Variants in ALK observed in about 807,000 individuals in gnomAD.
ALK encodes the protein ALK tyrosine kinase receptor.
A neutral mutation model predicts 163.1 loss-of-function variants in ALK; 74 were observed. The ratio of observed to expected loss-of-function variants is 0.45; its 90% CI spans 0.38 to 0.55. ALK has a LOEUF of 0.55. ALK is among the 20% of genes least tolerant of loss of function. ALK has a pLI of 0.00. For missense variants in ALK, 2,063 were observed against 2,105.3 expected (o/e 0.98, Z 0.39); for synonymous variants, 960 against 843.2 (o/e 1.14, Z -2.40).
intron 4 of ALK, among the ~76,000 whole-genome samples, chr2:29,432,218 G>A (rs533372102): frequency 5.9e-5 from 9 of 152,276 alleles, no homozygotes; most frequent in East Asian, 1.9e-4. Flanking sequence ...AGTGGAAGGT[G>A]TTTGGGTCAT....
intron 12 of ALK, 80 bp downstream of exon 12, chr2:29,251,025 G>C (rs2148196996): frequency 2.7e-6 from 4 of 1,471,424 alleles, no homozygotes; most frequent in Non-Finnish European, 3.7e-6. Context: ...GGCACCCCAG[G>C]AACATGCACC....
At chr2:29,728,478 C>T (rs1679636640) in intron 1 of ALK, among the ~76,000 whole-genome samples, 1 of 152,216 alleles carries the variant, frequency 6.6e-6, no homozygotes, top group Non-Finnish European at 1.5e-5. Context: ...GTGTGGAAGG[C>T]AGCAGACAGC....
intron 1 of ALK, among the ~76,000 whole-genome samples, chr2:29,793,472 C>A (rs1343923174): frequency 6.6e-6 from 1 of 152,120 alleles, no homozygotes; most frequent in Non-Finnish European, 1.5e-5. Context: ...AGTAGTGAAT[C>A]CTTTCCAGAA....
At chr2:29,614,697 A>G (rs1435603575) in intron 3 of ALK, among the ~76,000 whole-genome samples, 4 of 151,880 alleles carry the variant, frequency 2.6e-5, no homozygotes, top group Non-Finnish European at 5.9e-5. Context: ...TGAATTTCCC[A>G]TCCTTCACCA....
At chr2:29,545,797 T>C (rs1217905950) in intron 3 of ALK, among the ~76,000 whole-genome samples, 1 of 152,182 alleles carries the variant, frequency 6.6e-6, no homozygotes, top group Non-Finnish European at 1.5e-5. Context: ...AAACCAAGTG[T>C]GTTCATTAAG....
intron 1 of ALK, among the ~76,000 whole-genome samples, chr2:29,870,326 G>A (rs1350253942): frequency 6.6e-6 from 1 of 152,180 alleles, no homozygotes; most frequent in Non-Finnish European, 1.5e-5. Flanking sequence ...AAGTGAAGTG[G>A]AAGCAGGCAA....
intron 3 of ALK, among the ~76,000 whole-genome samples, chr2:29,650,308 T>G (rs953117772): frequency 3.9e-5 from 6 of 152,210 alleles, no homozygotes; most frequent in African/African-American, 1.4e-4. Flanking sequence ...CAGTCAGTAG[T>G]CAATCATTAG....
intron 22 of ALK, chr2:29,221,321 A>G (rs940507815): frequency 2.1e-6 from 1 of 475,960 alleles, no homozygotes; most frequent in Non-Finnish European, 4.2e-6. Context: ...TTTCCCGTGG[A>G]TTCCTCATGG....
intron 11 of ALK, among the ~76,000 whole-genome samples, chr2:29,252,735 T>G (rs1253765102): frequency 6.6e-6 from 1 of 152,146 alleles, no homozygotes; most frequent in Non-Finnish European, 1.5e-5. Context: ...GATGTTTATT[T>G]CTATTTGGTT....
At chr2:29,502,605 A>G (rs1258149000) in intron 4 of ALK, among the ~76,000 whole-genome samples, 4 of 152,166 alleles carry the variant, frequency 2.6e-5, no homozygotes, top group Non-Finnish European at 5.9e-5. Context: ...TGGTATTAAG[A>G]CAGATTAACT....
At chr2:29,723,976 A>G (rs139720259) in intron 1 of ALK, among the ~76,000 whole-genome samples, 1 of 152,326 alleles carries the variant, frequency 6.6e-6, no homozygotes, top group East Asian at 1.9e-4. Flanking sequence ...ATTGCAGCCG[A>G]TTGGCACTGT....
chr2:29,520,251 A>G (rs2148148073), intron 4 of ALK, among the ~76,000 whole-genome samples: 1 of 152,310 alleles, frequency 6.6e-6, no homozygotes, highest in Non-Finnish European at 1.5e-5. Context: ...TTGGAGGTTG[A>G]GTAGAAGGAA....
intron 1 of ALK, among the ~76,000 whole-genome samples, chr2:29,829,171 G>A (rs1211732252): frequency 4.5e-4 from 43 of 95,818 alleles, no homozygotes; most frequent in African/African-American, 1.7e-3. Flanking sequence ...GTTGAGGGGT[G>A]GGGGGAGGGG....
At chr2:29,684,939 A>C (rs1262141800) in intron 3 of ALK, among the ~76,000 whole-genome samples, 1 of 152,240 alleles carries the variant, frequency 6.6e-6, no homozygotes, top group African/African-American at 2.4e-5. Flanking sequence ...ATGAATGCCT[A>C]TTTTATATGG....
rs956344739 is a variant in ALK, at chr2:29,266,654, G to A, written c.2041+8445C>T. The stretch of plus-strand genomic sequence containing the variant: ...ATCCCTACTTGATGGATGAGGAAAC[G>A]GGGCCCAGAATCTTTGACTCTCCTG... On this transcript the variant is annotated intron_variant, in intron 11 of 28. Transcript: ENST00000389048. 2.0e-5 allele frequency among the ~76,000 whole-genome samples: 3 copies of A among 152,144 alleles called. 1 individual carries two copies. The highest frequency in any genetic ancestry group is 4.2e-4 in the South Asian group (2 of 4,818).
chr2:29,612,302 C>G (rs565860926), intron 3 of ALK, among the ~76,000 whole-genome samples: 3 of 152,296 alleles, frequency 2.0e-5, no homozygotes, highest in African/African-American at 7.2e-5. Context: ...GTCTTCCCCT[C>G]CTGTGCTTTT....
chr2:29,575,078 T>C (rs1674486325), intron 3 of ALK, among the ~76,000 whole-genome samples: 1 of 152,286 alleles, frequency 6.6e-6, no homozygotes, highest in East Asian at 1.9e-4. Flanking sequence ...TATTTCTGAT[T>C]GCCTCAACGT....
intron 4 of ALK, among the ~76,000 whole-genome samples, chr2:29,448,671 G>C (rs1480724564): frequency 6.6e-6 from 1 of 152,136 alleles, no homozygotes; most frequent in Non-Finnish European, 1.5e-5. Context: ...AAACGGAGAG[G>C]CTGCCTTCAG....
chr2:29,788,071 G>T (rs1300605446), intron 1 of ALK, among the ~76,000 whole-genome samples: 1 of 152,244 alleles, frequency 6.6e-6, no homozygotes, highest in East Asian at 1.9e-4. Flanking sequence ...GATCACAATT[G>T]CTAAGAGATG....
Sources: gnomAD v4.1 joint callset for allele counts (sites outside exome capture counted in the v4.1 genomes callset) on GRCh38, gnomAD v4.1.1 for gene constraint, MANE v1.5 for transcripts, NCBI Gene and HGNC (gene_info 2026-07-23, HGNC 2026-07-21) for gene names.